Variants in TOR3A observed in about 807,000 individuals in gnomAD.
TOR3A encodes torsin-3A.
Under a neutral mutation model 42.1 loss-of-function variants are expected in TOR3A, and 44 were observed. The observed-to-expected ratio is 1.04, with a 90% CI of 0.82 to 1.34. The LOEUF (loss-of-function observed/expected upper bound fraction) is 1.34, where lower values mean the gene tolerates loss of function less well. TOR3A is among the 40% of genes most tolerant of loss of function. TOR3A has a pLI of 0.00. For missense variants in TOR3A, 521 were observed against 507.6 expected, an observed-to-expected ratio of 1.03 and a Z score of -0.25; for synonymous variants, 227 against 213.2, an observed-to-expected ratio of 1.06 and a Z score of -0.57.
rs1226665708 is a variant in TOR3A, at chr1:179,085,772, A to G, written c.518A>G (p.Lys173Arg). 5 of 1,614,208 alleles carry G rather than the reference A, an allele frequency of 3.1e-6. No individual in the cohort carries two copies. The highest frequency in any genetic ancestry group is 1.3e-5 in the African/African-American group (1 of 75,062). The stretch of plus-strand genomic sequence containing the variant: ...TTCCACGGCTGGTCTGGCACAGGCA[A>G]GAACTTCGTGGCACGGATGCTGGTG... ...LSFHGWSGTG[K>R]NFVARMLVEN... The change falls in exon 3 of 6, where the codon AAG becomes AGG. Residue 173 changes from lysine to arginine, a missense_variant. Transcript: ENST00000367627.
At chr1:179,093,882 CAA>C (rs879451379) in intron 4 of TOR3A, among the ~76,000 whole-genome samples, 4 of 152,146 alleles carry the variant, frequency 2.6e-5, no homozygotes, top group Admixed American at 6.5e-5. Flanking sequence ...CAAGAGGGAA[CAA>C]GAGAGAATGG....
At position 179,083,516 on chromosome 1, in the gene TOR3A, C is replaced by T. The variant is rs1008470877; in HGVS notation, c.373+463C>T. ...CAAGCAATTTTCCTGCCTCAGCCTC[C>T]CGAGTAGCTGGGATTACAGGTGCCT... On this transcript the variant is annotated intron_variant, in intron 2 of 5. Transcript: ENST00000367627. Among the ~76,000 whole-genome samples the T allele has an allele frequency of 1.3e-4, 20 of 149,360 alleles. 2 individuals carry two copies. The Admixed American group carries it at 1.4e-3, about 10-fold the overall frequency.
At position 179,088,097 on chromosome 1, in the gene TOR3A, C is replaced by T; in HGVS notation, c.818+8C>T. The T allele has an allele frequency of 6.4e-7, 1 of 1,567,986 alleles. No individual in the cohort carries two copies. The highest frequency in any genetic ancestry group is 8.6e-7 in the Non-Finnish European group (1 of 1,158,178). ...TATCTTTCTGTTTCTCAGGTGGGTT[C>T]TGGGGAACAATAGTCAGGAGGGCTG... On this transcript the variant is annotated splice_region_variant and intron_variant, in intron 4 of 5. Transcript: ENST00000367627.
chr1:179,085,587 G>T, intron 2 of TOR3A, 41 bp from the exon 3 acceptor site: 1 of 1,605,152 alleles, frequency 6.2e-7, no homozygotes. Context: ...GGATGGGCCT[G>T]TGTGTGCCTT....
At chr1:179,086,544 T>C (rs1652439428) in intron 3 of TOR3A, among the ~76,000 whole-genome samples, 1 of 151,912 alleles carries the variant, frequency 6.6e-6, no homozygotes, top group African/African-American at 2.4e-5. Context: ...CGGGCACCTG[T>C]AGTCTCAGCT....
chr1:179,094,280 T>C lies in TOR3A; in HGVS notation c.943+63T>C, dbSNP rs1031195606. On this transcript the variant is annotated intron_variant, in intron 5 of 5. Coordinates refer to ENST00000367627, the MANE Select transcript of TOR3A (RefSeq NM_022371.4). ...CAGCTGGTGATAATTAATGTGTTTG[T>C]TGGAATGTGTGTTTATGAAGCAGAC... is the stretch of plus-strand genomic sequence containing the variant. 1.1e-5 allele frequency: 17 copies of C among 1,559,646 alleles called. No individual in the cohort carries two copies. In the African/African-American group the frequency reaches 2.1e-4, roughly 19 times the overall value.
intron 2 of TOR3A, among the ~76,000 whole-genome samples, chr1:179,084,813 G>A (rs1445082355): frequency 6.6e-6 from 1 of 152,202 alleles, no homozygotes; most frequent in Non-Finnish European, 1.5e-5. Flanking sequence ...CTGCCTGTCT[G>A]CACTGTGGCT....
chr1:179,083,398 C>CTTTT (rs530697099), intron 2 of TOR3A, among the ~76,000 whole-genome samples: 3 of 145,202 alleles, frequency 2.1e-5, no homozygotes, highest in African/African-American at 7.6e-5. Flanking sequence ...CCTTTCTTTT[C>CTTTT]TTTTTTTTTT....
chr1:179,085,518 T>C (rs1652406660), intron 2 of TOR3A, 110 bp from the exon 3 acceptor site: 1 of 1,407,434 alleles, frequency 7.1e-7, no homozygotes, highest in Non-Finnish European at 9.8e-7. Flanking sequence ...GAGGAGTAAC[T>C]GATTCCACCC....
chr1:179,082,080 G>A lies in TOR3A; in HGVS notation c.-49G>A. The A allele has an allele frequency of 7.0e-7, 1 of 1,419,260 alleles. No individual in the cohort carries two copies. Among genetic ancestry groups the A allele is most frequent in the Middle Eastern group, 2.6e-4 (1 of 3,868 alleles). 87.9% of individuals were successfully genotyped at this position (1,419,260 alleles called of 1,614,324 possible). On this transcript the variant is annotated 5_prime_UTR_variant, in exon 1 of 6. Transcript: ENST00000367627. ...CCGCCTGACCGCCCCGGGCTTAAGG[G>A]AGCCTGGCTAGGCCGGCAGCCGGAT...
Position 179,095,016 on chromosome 1 carries a change from A to G in TOR3A, c.992A>G (p.Tyr331Cys), listed in dbSNP as rs1223419212. Reference sequence around the variant, plus strand: ...CTTGTGAAGGAAAACCTGATTGACTACTTCATCCCCTTCCTGCCTTTGGAG... The same window carrying G: ...CTTGTGAAGGAAAACCTGATTGACTGCTTCATCCCCTTCCTGCCTTTGGAG... ...SRLVKENLID[Y>C]FIPFLPLEYR... Residue 331 changes from tyrosine (Y) to cysteine (C), a missense_variant, in exon 6 of 6, where the codon TAC becomes TGC. Physicochemically the swap from Tyr to Cys is radical, Grantham distance 194. Coordinates refer to ENST00000367627, the MANE Select transcript of TOR3A (RefSeq NM_022371.4). The G allele has an allele frequency of 2.5e-6, 4 of 1,614,094 alleles. No individual in the cohort carries two copies. Among genetic ancestry groups the G allele is most frequent in the Non-Finnish European group, 3.4e-6 (4 of 1,180,028 alleles).
chr1:179,089,307 G>A (rs1046702650), intron 4 of TOR3A, among the ~76,000 whole-genome samples: 1 of 142,292 alleles, frequency 7.0e-6, no homozygotes, highest in Non-Finnish European at 1.5e-5. Flanking sequence ...GGCAACAAGA[G>A]AGAGACTCCA....
In TOR3A at chr1:179,082,355, A is replaced by T. The variant is rs752202119; in HGVS notation, c.227A>T (p.Asp76Val). 6.2e-7 allele frequency: 1 copy of T among 1,606,810 alleles called. No individual in the cohort carries two copies. Among genetic ancestry groups the T allele is most frequent in the African/African-American group, 1.4e-5 (1 of 73,918 alleles). ...FSCQVWPDDC[D>V]EDEEAATGPL... is the part of the protein sequence containing the mutation. ...TGCCAGGTGTGGCCCGACGACTGTG[A>T]CGAGGACGAGGAGGCAGCCACGGGG... The change falls in exon 1 of 6, where the codon GAC (aspartate) becomes GTC (valine). Residue 76 changes from aspartate (D) to valine (V), a missense_variant. Transcript: ENST00000367627.
At chr1:179,094,926 A>G (rs752096025) in intron 5 of TOR3A, 42 bp from the exon 6 acceptor site, 4 of 1,597,914 alleles carry the variant, frequency 2.5e-6, no homozygotes, top group East Asian at 2.2e-5. Flanking sequence ...AGCTAGGTTC[A>G]GTCCTAGGTC....
At position 179,083,045 on chromosome 1, in the gene TOR3A, A is replaced by C; in HGVS notation, c.365A>C (p.Asn122Thr). The C allele has an allele frequency of 1.3e-6, 2 of 1,537,982 alleles. No homozygotes were observed. Among genetic ancestry groups the C allele is most frequent in the Non-Finnish European group, 8.8e-7 (1 of 1,141,354 alleles). The change falls in exon 2 of 6, where the codon AAC becomes ACC. Residue 122 changes from asparagine to threonine, a missense_variant. By Grantham distance (65) the Asn-to-Thr change is moderately conservative. Transcript: ENST00000367627. Reference sequence around the variant, plus strand: ...AGAGGGGATTGCAGAATCTCCAACAACTTTACAGGTTGGACCCCGCATGGC... The same window carrying C: ...AGAGGGGATTGCAGAATCTCCAACACCTTTACAGGTTGGACCCCGCATGGC... ...CPRGDCRISN[N>T]FTGLEWDLNV... is the part of the protein sequence containing the mutation.
Position 179,095,026 on chromosome 1 carries a change from C to T in TOR3A, c.1002C>T (p.Pro334=). Residue 334 remains proline (P), a synonymous_variant, in exon 6 of 6, where the codon CCC becomes CCT. Coordinates refer to ENST00000367627, the MANE Select transcript of TOR3A (RefSeq NM_022371.4). ...VKENLIDYFI[P]FLPLEYRHVR... ...AAAACCTGATTGACTACTTCATCCC[C>T]TTCCTGCCTTTGGAGTACCGTCACG... 2 of 1,614,234 alleles carry T rather than the reference C, an allele frequency of 1.2e-6. No homozygotes were observed. The highest frequency in any genetic ancestry group is 1.1e-5 in the South Asian group (1 of 91,086).
chr1:179,085,439 A>AAT, intron 2 of TOR3A, 189 bp from the exon 3 acceptor site: 1 of 687,718 alleles, frequency 1.5e-6, no homozygotes, highest in Non-Finnish European at 2.5e-6. Flanking sequence ...AAAAAAAAAA[A>AAT]GAAAGTAGTC....
At chr1:179,090,907 G>A (rs1331241317) in intron 4 of TOR3A, among the ~76,000 whole-genome samples, 1 of 152,140 alleles carries the variant, frequency 6.6e-6, no homozygotes, top group Non-Finnish European at 1.5e-5. Context: ...AGGATAGAAA[G>A]GACTTTGAAA....
chr1:179,094,895 C>T (rs912307078), intron 5 of TOR3A, 73 bp from the exon 6 acceptor site: 3 of 1,473,652 alleles, frequency 2.0e-6, no homozygotes, highest in Admixed American at 1.7e-5. Flanking sequence ...CCAACAGCAA[C>T]CCCCACCCCC....
Sources: allele counts gnomAD v4.1 joint callset (sites outside exome capture counted in the v4.1 genomes callset), GRCh38; gene constraint gnomAD v4.1.1; transcripts MANE v1.5; gene names NCBI Gene and HGNC (gene_info 2026-07-23, HGNC 2026-07-21).